The following PAK5 variants were observed in gnomAD, a reference collection of about 807,000 sequenced individuals.
PAK5 encodes the protein p21 (RAC1) activated kinase 5, also known as serine/threonine-protein kinase PAK 5.
In PAK5, 16 loss-of-function variants were observed where a neutral mutation model predicts 65.9. That is an observed-to-expected ratio of 0.24 (90% CI 0.16 to 0.37). PAK5 has a LOEUF of 0.37. Among genes scored for constraint, PAK5 ranks in the 10% least tolerant of loss-of-function variants. The pLI is 1.00. For missense variants in PAK5, 785 were observed against 903.9 expected (o/e 0.87, Z 1.69); for synonymous variants, 371 against 354.9 (o/e 1.05, Z -0.51).
chr20:9,664,486 A>G (rs1270385315), intron 2 of PAK5, among the ~76,000 whole-genome samples: 1 of 152,206 alleles, frequency 6.6e-6, no homozygotes, highest in Non-Finnish European at 1.5e-5. Flanking sequence ...AATGGCTGAC[A>G]AACTGCAATA....
intron 2 of PAK5, among the ~76,000 whole-genome samples, chr20:9,672,128 T>C (rs6056793): frequency 0.056 from 8,430 of 151,856 alleles, 757 homozygotes; most frequent in African/African-American, 0.19. Flanking sequence ...AGCCATATAT[T>C]ATAGATTAAT....
chr20:9,768,508 C>G (rs6133747), intron 1 of PAK5, among the ~76,000 whole-genome samples: 101,294 of 152,004 alleles, frequency 0.67, 34,224 homozygotes, highest in East Asian at 0.86. Flanking sequence ...AGGGGCCAGG[C>G]GCGGTGGCTC....
chr20:9,829,433 A>G (rs535748277), intron 1 of PAK5, among the ~76,000 whole-genome samples: 13 of 152,342 alleles, frequency 8.5e-5, no homozygotes, highest in Admixed American at 3.3e-4. Context: ...ATCTAGCTGC[A>G]TGATATTTTG....
At chr20:9,547,651 G>A (rs1396527635) in intron 7 of PAK5, among the ~76,000 whole-genome samples, 1 of 152,138 alleles carries the variant, frequency 6.6e-6, no homozygotes, top group Admixed American at 6.5e-5. Context: ...AGATGTTGAA[G>A]AAAGAGGAGA....
intron 9 of PAK5, among the ~76,000 whole-genome samples, chr20:9,540,779 T>C (rs571270137): frequency 1.3e-5 from 2 of 151,174 alleles, no homozygotes; most frequent in Non-Finnish European, 1.5e-5. Flanking sequence ...CTGTGTCACC[T>C]AGGCTGGAGT....
At chr20:9,799,944 A>G (rs898067642) in intron 1 of PAK5, among the ~76,000 whole-genome samples, 4 of 124,544 alleles carry the variant, frequency 3.2e-5, no homozygotes, top group Non-Finnish European at 4.9e-5. Context: ...GTCTCCAAAA[A>G]AAAAAAAAAA....
At chr20:9,569,779 A>G (rs1223569563) in intron 4 of PAK5, among the ~76,000 whole-genome samples, 2 of 149,382 alleles carry the variant, frequency 1.3e-5, no homozygotes, top group Non-Finnish European at 2.9e-5. Context: ...CAGTCCCCCA[A>G]CACTGCCCAT....
intron 1 of PAK5, among the ~76,000 whole-genome samples, chr20:9,721,435 G>A (rs1222896535): frequency 6.6e-6 from 1 of 151,882 alleles, no homozygotes; most frequent in Non-Finnish European, 1.5e-5. Context: ...ATCAGCTGAG[G>A]TCAGGAGTTT....
intron 1 of PAK5, among the ~76,000 whole-genome samples, chr20:9,794,028 G>T (rs1600381591): frequency 6.6e-6 from 1 of 152,048 alleles, no homozygotes; most frequent in African/African-American, 2.4e-5. Flanking sequence ...TCCTTTGCAG[G>T]GACATGGATG....
At chr20:9,618,629 G>A (rs1374687036) in intron 3 of PAK5, among the ~76,000 whole-genome samples, 1 of 151,162 alleles carries the variant, frequency 6.6e-6, no homozygotes, top group African/African-American at 2.4e-5. Flanking sequence ...TGTCCAGGCT[G>A]GTCTTGAACT....
At chr20:9,561,918 T>G (rs2045596638) in intron 6 of PAK5, among the ~76,000 whole-genome samples, 1 of 152,196 alleles carries the variant, frequency 6.6e-6, no homozygotes, top group Non-Finnish European at 1.5e-5. Context: ...CCTGAAAGTT[T>G]GCCGTAAATG....
chr20:9,542,613 T>G lies in PAK5; in HGVS notation c.1977A>C (p.Leu659Phe). The G allele has an allele frequency of 6.2e-7, 1 of 1,614,048 alleles. No homozygotes were observed. The highest frequency in any genetic ancestry group is 1.3e-5 in the African/African-American group (1 of 75,014). Residue 659 changes from leucine (L) to phenylalanine (F), a missense_variant, in exon 9 of 10, where the codon TTA (leucine) becomes TTC (phenylalanine). Leu to Phe is a conservative substitution (Grantham distance 22). Transcript: ENST00000353224. ...TGTGTAGGTCCTTCACTCTTGGAGG[T>G]AAACTGTCCCGGATCCTCCGCATCG... ...LQAMRRIRDSLPPRVKDLHKV... is the reference protein window; with the variant it reads ...LQAMRRIRDSFPPRVKDLHKV...
chr20:9,830,164 A>C (rs899145496), intron 1 of PAK5, among the ~76,000 whole-genome samples: 1 of 152,188 alleles, frequency 6.6e-6, no homozygotes, highest in Non-Finnish European at 1.5e-5. Flanking sequence ...CCTCTAATAT[A>C]CAGTGACCAG....
chr20:9,579,703 T>G (rs1370716367), intron 4 of PAK5, among the ~76,000 whole-genome samples: 1 of 152,196 alleles, frequency 6.6e-6, no homozygotes, highest in Admixed American at 6.5e-5. Flanking sequence ...AATTACCATG[T>G]TATACTGAGT....
At chr20:9,704,704 T>C (rs1374225157) in intron 2 of PAK5, among the ~76,000 whole-genome samples, 1 of 151,612 alleles carries the variant, frequency 6.6e-6, no homozygotes, top group Non-Finnish European at 1.5e-5. Flanking sequence ...AATCCAAAGG[T>C]GTGAAAGAGA....
intron 3 of PAK5, among the ~76,000 whole-genome samples, chr20:9,615,455 T>A (rs1257951281): frequency 1.3e-5 from 2 of 152,202 alleles, no homozygotes; most frequent in Non-Finnish European, 2.9e-5. Context: ...TACTTTCCAC[T>A]TAATTTTGCA....
At chr20:9,622,295 G>A (rs796493686) in intron 3 of PAK5, among the ~76,000 whole-genome samples, 9 of 152,250 alleles carry the variant, frequency 5.9e-5, no homozygotes, top group African/African-American at 1.2e-4. Context: ...CTAGACATAT[G>A]TGACTATTTA....
chr20:9,759,576 A>G (rs73600263), intron 1 of PAK5, among the ~76,000 whole-genome samples: 28,626 of 152,108 alleles, frequency 0.19, 3,074 homozygotes, highest in East Asian at 0.29. Context: ...ATCTCTATCA[A>G]GCTCCCAGAT....
chr20:9,608,828 C>T (rs2046503776), intron 3 of PAK5, among the ~76,000 whole-genome samples: 1 of 152,194 alleles, frequency 6.6e-6, no homozygotes, highest in Non-Finnish European at 1.5e-5. Flanking sequence ...AGTAGATTGG[C>T]CCTGACAGCC....
Sources: allele counts gnomAD v4.1 joint callset (sites outside exome capture counted in the v4.1 genomes callset), GRCh38; gene constraint gnomAD v4.1.1; transcripts MANE v1.5; gene names NCBI Gene and HGNC (gene_info 2026-07-23, HGNC 2026-07-21).